Variants in ADGRL3 observed in about 807,000 individuals in gnomAD.
The protein encoded by ADGRL3 is adhesion G protein-coupled receptor L3.
Under a neutral mutation model 153.5 loss-of-function variants are expected in ADGRL3, and 62 were observed. The observed-to-expected ratio is 0.40, with a 90% CI of 0.33 to 0.50. The LOEUF (loss-of-function observed/expected upper bound fraction) is 0.50, where lower values mean the gene tolerates loss of function less well. Among genes scored for constraint, ADGRL3 ranks in the 20% least tolerant of loss-of-function variants. The pLI, the probability that ADGRL3 is intolerant of heterozygous loss-of-function variation, is 0.47. For missense variants in ADGRL3, 1,641 were observed against 1,859.4 expected, an observed-to-expected ratio of 0.88 and a Z score of 2.16; for synonymous variants, 710 against 672.5, an observed-to-expected ratio of 1.06 and a Z score of -0.86.
chr4:61,325,581 C>G (rs1252095721), intron 1 of ADGRL3, among the ~76,000 whole-genome samples: 1 of 152,086 alleles, frequency 6.6e-6, no homozygotes, highest in Non-Finnish European at 1.5e-5. Context: ...TGAGCATGTC[C>G]TATAATTCTA....
intron 4 of ADGRL3, among the ~76,000 whole-genome samples, chr4:61,528,166 C>T (rs1299589084): frequency 1.3e-5 from 2 of 152,132 alleles, no homozygotes; most frequent in African/African-American, 4.8e-5. Flanking sequence ...ACGGTCATAA[C>T]TCATAGGATT....
rs115104921 is a variant in ADGRL3, at chr4:61,788,850, A to C, written c.1400-24959A>C. Reference sequence around the variant, plus strand: ...AGGAAACTAATTAGTGCTTTTTCCAAAATAAGATTTCAAGATATGGGCAAT... The same window carrying C: ...AGGAAACTAATTAGTGCTTTTTCCACAATAAGATTTCAAGATATGGGCAAT... On this transcript the variant is annotated intron_variant, in intron 8 of 26. Coordinates refer to ENST00000683033, the MANE Select transcript of ADGRL3 (RefSeq NM_001387552.1). Among the ~76,000 whole-genome samples, 793 of 152,316 alleles carry C rather than the reference A, an allele frequency of 5.2e-3. 10 individuals are homozygous for C. The highest frequency in any genetic ancestry group is 0.018 in the African/African-American group (750 of 41,584).
At chr4:61,332,740 A>G (rs1308231782) in intron 1 of ADGRL3, among the ~76,000 whole-genome samples, 2 of 152,172 alleles carry the variant, frequency 1.3e-5, no homozygotes, top group Non-Finnish European at 2.9e-5. Flanking sequence ...AAAATGGACT[A>G]TAGAAAGATT....
At chr4:61,319,134 T>C (rs2095301435) in intron 1 of ADGRL3, among the ~76,000 whole-genome samples, 1 of 152,172 alleles carries the variant, frequency 6.6e-6, no homozygotes, top group East Asian at 1.9e-4. Context: ...ACTGAAATAG[T>C]GCCTTATAAC....
chr4:62,076,329 G>C lies in ADGRL3; in HGVS notation c.*5421G>C, dbSNP rs569113599. The stretch of plus-strand genomic sequence containing the variant: ...TTGTGTCCCGTTACAGTATTTCAAA[G>C]GTAAATGCAAACTAATTTTTAGGAA... On this transcript the variant is annotated 3_prime_UTR_variant, in exon 27 of 27. Coordinates refer to ENST00000683033, the MANE Select transcript of ADGRL3 (RefSeq NM_001387552.1). 1.4e-4 allele frequency: 21 copies of C among 152,038 alleles called. No homozygotes were observed. Among genetic ancestry groups the C allele is most frequent in the African/African-American group, 4.3e-4 (18 of 41,520 alleles). 9.4% of individuals were successfully genotyped at this position (152,038 alleles called of 1,614,324 possible). A position where few individuals can be genotyped will look rare whatever the true frequency, so the allele number is the denominator to read the frequency against.
intron 13 of ADGRL3, among the ~76,000 whole-genome samples, chr4:61,929,089 C>T (rs2098806632): frequency 6.6e-6 from 1 of 152,032 alleles, no homozygotes; most frequent in Non-Finnish European, 1.5e-5. Flanking sequence ...TTGTGTCTCC[C>T]CATAATTCAT....
At chr4:62,010,295 A>G (rs1006764003) in intron 21 of ADGRL3, among the ~76,000 whole-genome samples, 1 of 152,036 alleles carries the variant, frequency 6.6e-6, no homozygotes. Flanking sequence ...GCCTCCCGCC[A>G]TCGCCTTACC....
intron 1 of ADGRL3, among the ~76,000 whole-genome samples, chr4:61,369,508 C>T (rs1184808032): frequency 4.6e-5 from 7 of 151,778 alleles, no homozygotes; most frequent in South Asian, 2.1e-4. Flanking sequence ...TTGTCTTTGG[C>T]TCTGTTTATA....
chr4:61,837,110 A>G (rs2097948405), intron 9 of ADGRL3, among the ~76,000 whole-genome samples: 1 of 152,164 alleles, frequency 6.6e-6, no homozygotes, highest in Admixed American at 6.5e-5. Context: ...TCATCCAGCT[A>G]TTAAGTGCTA....
rs545497797 is a variant in ADGRL3, at chr4:61,632,670, G to A, written c.474-44156G>A. 8.5e-5 allele frequency among the ~76,000 whole-genome samples: 13 copies of A among 152,088 alleles called. No homozygotes were observed. In the South Asian group the frequency reaches 2.5e-3, roughly 29 times the overall value. On this transcript the variant is annotated intron_variant, in intron 5 of 26. Transcript: ENST00000683033. ...CTTGTTATACCCACACAACTGTTCT[G>A]TTTTCTTGCTTTTTTATTTCTCTTA...
chr4:61,810,609 A>T (rs762242431), intron 8 of ADGRL3, among the ~76,000 whole-genome samples: 2 of 152,168 alleles, frequency 1.3e-5, no homozygotes, highest in African/African-American at 4.8e-5. Context: ...ATTAAATGAA[A>T]GTTGGAAAAG....
intron 4 of ADGRL3, among the ~76,000 whole-genome samples, chr4:61,537,758 C>T (rs966085943): frequency 6.6e-6 from 1 of 152,114 alleles, no homozygotes; most frequent in Non-Finnish European, 1.5e-5. Flanking sequence ...TCTTCACTAT[C>T]ACTATACTAA....
intron 5 of ADGRL3, among the ~76,000 whole-genome samples, chr4:61,616,622 C>T (rs2092032665): frequency 1.3e-5 from 2 of 152,122 alleles, no homozygotes; most frequent in African/African-American, 4.8e-5. Context: ...TACAACCTCC[C>T]ACATTGACCA....
intron 4 of ADGRL3, among the ~76,000 whole-genome samples, chr4:61,574,109 C>T (rs2098851223): frequency 1.3e-5 from 2 of 151,958 alleles, no homozygotes; most frequent in Admixed American, 1.3e-4. Flanking sequence ...TTACACCTAT[C>T]CAGTCACCAT....
intron 1 of ADGRL3, among the ~76,000 whole-genome samples, chr4:61,233,304 C>A (rs1366214916): frequency 2.0e-5 from 3 of 152,032 alleles, no homozygotes; most frequent in African/African-American, 7.2e-5. Context: ...TTACTCTTTT[C>A]TTTTTTTAAA....
chr4:61,995,052 A>G (rs1452504762), intron 19 of ADGRL3, among the ~76,000 whole-genome samples: 1 of 151,738 alleles, frequency 6.6e-6, no homozygotes, highest in Non-Finnish European at 1.5e-5. Context: ...AGCTGTGACT[A>G]CAGGGGCACA....
At position 62,077,221 on chromosome 4, in the gene ADGRL3, T is replaced by A. The variant is rs2151956345; in HGVS notation, c.*6313T>A. ...GTAAAGCAGACTTCTAACTATTTAATTTAAACATTGCCATTCAGATTGAAT... is the reference window on the plus strand; with the variant it reads ...GTAAAGCAGACTTCTAACTATTTAAATTAAACATTGCCATTCAGATTGAAT... On this transcript the variant is annotated 3_prime_UTR_variant, in exon 27 of 27. Transcript: ENST00000683033. The A allele has an allele frequency of 6.6e-6, 1 of 152,062 alleles. No homozygotes were observed. The highest frequency in any genetic ancestry group is 1.9e-4 in the East Asian group (1 of 5,170). The allele number at this position is 152,062 out of a possible 1,614,324, so 9.4% of individuals were successfully genotyped here. A position where few individuals can be genotyped will look rare whatever the true frequency, so the allele number is the denominator to read the frequency against.
intron 4 of ADGRL3, among the ~76,000 whole-genome samples, chr4:61,569,282 G>T (rs2098828959): frequency 6.6e-6 from 1 of 151,988 alleles, no homozygotes; most frequent in African/African-American, 2.4e-5. Context: ...TAATTCACAT[G>T]CCATAAGACT....
intron 1 of ADGRL3, among the ~76,000 whole-genome samples, chr4:61,370,632 G>A (rs1430587731): frequency 1.3e-5 from 2 of 151,832 alleles, no homozygotes; most frequent in Admixed American, 1.3e-4. Flanking sequence ...CATTTGCTGA[G>A]GAGAGCTTTA....
Sources: gnomAD v4.1 joint callset for allele counts (sites outside exome capture counted in the v4.1 genomes callset) on GRCh38, gnomAD v4.1.1 for gene constraint, MANE v1.5 for transcripts, NCBI Gene and HGNC (gene_info 2026-07-23, HGNC 2026-07-21) for gene names.